The following ELOVL2 variants were observed in gnomAD, a reference collection of about 807,000 sequenced individuals.
The protein encoded by ELOVL2 is ELOVL fatty acid elongase 2.
Under a neutral mutation model 37.7 loss-of-function variants are expected in ELOVL2, and 38 were observed. The ratio of observed to expected loss-of-function variants is 1.01; its 90% CI spans 0.78 to 1.32. The LOEUF (loss-of-function observed/expected upper bound fraction) is 1.32, where lower values mean the gene tolerates loss of function less well. Among genes scored for constraint, ELOVL2 ranks in the 40% most tolerant of loss-of-function variants. The pLI, the probability that ELOVL2 is intolerant of heterozygous loss-of-function variation, is 0.00. For missense variants in ELOVL2, 352 were observed against 363.6 expected (o/e 0.97, Z 0.26); for synonymous variants, 115 against 122.3 (o/e 0.94, Z 0.40).
At chr6:11,040,856 C>T (rs891025063) in intron 1 of ELOVL2, among the ~76,000 whole-genome samples, 14 of 152,176 alleles carry the variant, frequency 9.2e-5, no homozygotes, top group Non-Finnish European at 1.8e-4. Context: ...CCCAAGGTCA[C>T]ACAGTTAAAT....
intron 7 of ELOVL2, among the ~76,000 whole-genome samples, chr6:10,984,443 C>G (rs946213418): frequency 6.6e-6 from 1 of 151,296 alleles, no homozygotes; most frequent in African/African-American, 2.4e-5. Flanking sequence ...ATGTGCCATG[C>G]TGGTGTGCTG....
At chr6:10,996,338 G>A (rs2113489823) in intron 4 of ELOVL2, among the ~76,000 whole-genome samples, 1 of 152,320 alleles carries the variant, frequency 6.6e-6, no homozygotes, top group South Asian at 2.1e-4. Context: ...TTGTGGTAAT[G>A]CATTAGAAAT....
chr6:10,986,276 C>T (rs903872860), intron 7 of ELOVL2, among the ~76,000 whole-genome samples: 1 of 152,220 alleles, frequency 6.6e-6, no homozygotes. Flanking sequence ...TCTAGATATA[C>T]AATCATGTCA....
chr6:11,010,086 C>T (rs1034554991), intron 2 of ELOVL2, among the ~76,000 whole-genome samples: 11 of 146,772 alleles, frequency 7.5e-5, no homozygotes, highest in African/African-American at 1.0e-4. Context: ...TGTAGTGGCG[C>T]GATCTTGGCT....
At chr6:11,021,049 A>C (rs937799577) in intron 1 of ELOVL2, among the ~76,000 whole-genome samples, 3 of 152,202 alleles carry the variant, frequency 2.0e-5, no homozygotes, top group African/African-American at 7.2e-5. Context: ...AATCTGAAAA[A>C]CTTTAAAAAA....
chr6:11,030,692 CT>C (rs199588348), intron 1 of ELOVL2, among the ~76,000 whole-genome samples: 2,488 of 152,212 alleles, frequency 0.016, 63 homozygotes, highest in African/African-American at 0.056. Flanking sequence ...TGGGGTTTCA[CT>C]GTGTTAGCCA....
chr6:10,985,623 G>T (rs1782037157), intron 7 of ELOVL2, among the ~76,000 whole-genome samples: 1 of 151,820 alleles, frequency 6.6e-6, no homozygotes, highest in Non-Finnish European at 1.5e-5. Flanking sequence ...CCCATTGCTT[G>T]TTTTTCTCAG....
chr6:11,011,754 G>A (rs910276217), intron 1 of ELOVL2, among the ~76,000 whole-genome samples: 6 of 152,136 alleles, frequency 3.9e-5, no homozygotes, highest in Non-Finnish European at 8.8e-5. Context: ...CTGGATTCAG[G>A]TGGGAGCCGG....
intron 5 of ELOVL2, among the ~76,000 whole-genome samples, chr6:10,990,777 G>C (rs1021022276): frequency 6.6e-6 from 1 of 152,140 alleles, no homozygotes; most frequent in Non-Finnish European, 1.5e-5. Flanking sequence ...GCTTAAAGCT[G>C]TTGGCAGAAT....
chr6:11,006,108 A>T (rs1383877238), intron 2 of ELOVL2, among the ~76,000 whole-genome samples: 1 of 152,164 alleles, frequency 6.6e-6, no homozygotes, highest in East Asian at 1.9e-4. Context: ...CACAGCTCCG[A>T]ATTTGCCTAG....
chr6:10,987,140 G>A (rs1186631072), intron 7 of ELOVL2, among the ~76,000 whole-genome samples: 2 of 152,176 alleles, frequency 1.3e-5, no homozygotes, highest in African/African-American at 2.4e-5. Context: ...TTTGCATAGA[G>A]GTGTTTGTAG....
intron 1 of ELOVL2, among the ~76,000 whole-genome samples, chr6:11,022,066 A>G (rs1782772203): frequency 6.6e-6 from 1 of 152,162 alleles, no homozygotes; most frequent in African/African-American, 2.4e-5. Context: ...GGTCCCAGGG[A>G]GAGAGAGGCC....
intron 3 of ELOVL2, among the ~76,000 whole-genome samples, chr6:11,003,529 C>A (rs183491817): frequency 0.015 from 2,239 of 152,236 alleles, 37 homozygotes; most frequent in Non-Finnish European, 0.019. Context: ...TGTATATGTG[C>A]CACATTTTCT....
chr6:11,021,235 T>A (rs1782761548), intron 1 of ELOVL2, among the ~76,000 whole-genome samples: 2 of 152,236 alleles, frequency 1.3e-5, no homozygotes, highest in South Asian at 4.1e-4. Context: ...CCACTGCATG[T>A]GTTCTTCCCT....
intron 2 of ELOVL2, among the ~76,000 whole-genome samples, chr6:11,010,467 G>A (rs532225660): frequency 2.6e-5 from 4 of 152,286 alleles, no homozygotes; most frequent in African/African-American, 4.8e-5. Flanking sequence ...GTTACAACCC[G>A]GCTTTGTAGC....
intron 1 of ELOVL2, among the ~76,000 whole-genome samples, chr6:11,028,103 A>C (rs546368561): frequency 2.9e-4 from 44 of 152,144 alleles, no homozygotes; most frequent in African/African-American, 9.9e-4. Context: ...GGGAAAAAAA[A>C]CCTACACACA....
intron 5 of ELOVL2, among the ~76,000 whole-genome samples, chr6:10,993,014 G>A (rs1018537358): frequency 6.6e-6 from 1 of 151,980 alleles, no homozygotes; most frequent in Non-Finnish European, 1.5e-5. Context: ...GCAACACAGA[G>A]AGACCTTGTG....
intron 1 of ELOVL2, among the ~76,000 whole-genome samples, chr6:11,036,142 G>T (rs1443680622): frequency 1.3e-5 from 2 of 152,172 alleles, no homozygotes; most frequent in African/African-American, 4.8e-5. Context: ...GTTACGAAAG[G>T]TATTAAAATA....
chr6:11,016,271 T>C (rs1319132699), intron 1 of ELOVL2, among the ~76,000 whole-genome samples: 2 of 143,804 alleles, frequency 1.4e-5, no homozygotes, highest in Non-Finnish European at 3.1e-5. Flanking sequence ...ATTCAAGATC[T>C]TGATGTTTGC....
Sources: gnomAD v4.1 joint callset for allele counts (sites outside exome capture counted in the v4.1 genomes callset) on GRCh38, gnomAD v4.1.1 for gene constraint, MANE v1.5 for transcripts, NCBI Gene and HGNC (gene_info 2026-07-23, HGNC 2026-07-21) for gene names.